Variants in ADCY8 observed in about 807,000 individuals in gnomAD.
ADCY8 encodes adenylate cyclase type 8.
Under a neutral mutation model 119.7 loss-of-function variants are expected in ADCY8, and 51 were observed. The observed-to-expected ratio is 0.43, with a 90% CI of 0.34 to 0.54. The LOEUF is 0.54. ADCY8 is among the 20% of genes least tolerant of loss of function. ADCY8 has a pLI of 0.03. For synonymous variants in ADCY8, 665 were observed against 651.0 expected (o/e 1.02, Z -0.33); for missense variants, 1,383 against 1,598.8 (o/e 0.87, Z 2.30).
chr8:130,847,325 G>T, intron 11 of ADCY8, 99 bp downstream of exon 11: 1 of 810,722 alleles, frequency 1.2e-6, no homozygotes, highest in Non-Finnish European at 2.0e-6. Context: ...CAGGCCTCTT[G>T]AGTATTTTCT....
intron 8 of ADCY8, among the ~76,000 whole-genome samples, chr8:130,876,122 T>G (rs1432752118): frequency 6.6e-6 from 1 of 151,848 alleles, no homozygotes; most frequent in Non-Finnish European, 1.5e-5. Context: ...GCGATCTCAG[T>G]TCACTGCAAC....
At chr8:131,023,483 G>A (rs1823736598) in intron 1 of ADCY8, among the ~76,000 whole-genome samples, 2 of 152,158 alleles carry the variant, frequency 1.3e-5, no homozygotes, top group African/African-American at 4.8e-5. Flanking sequence ...TGCAGGAGGA[G>A]AGGCAGACTG....
At chr8:130,858,155 A>G (rs1469791687) in intron 9 of ADCY8, among the ~76,000 whole-genome samples, 2 of 148,906 alleles carry the variant, frequency 1.3e-5, no homozygotes, top group African/African-American at 5.0e-5. Context: ...CAGCCCTAAA[A>G]TTAGCCATAT....
At chr8:130,916,734 C>T (rs573882276) in intron 5 of ADCY8, among the ~76,000 whole-genome samples, 12 of 152,354 alleles carry the variant, frequency 7.9e-5, no homozygotes, top group African/African-American at 2.9e-4. Context: ...GGGCATGTTC[C>T]TGCTGCAATT....
intron 12 of ADCY8, among the ~76,000 whole-genome samples, chr8:130,824,950 C>A (rs1816628885): frequency 6.6e-6 from 1 of 152,350 alleles, no homozygotes; most frequent in South Asian, 2.1e-4. Flanking sequence ...TTGTCCCCAT[C>A]TAGTCCTTTA....
intron 2 of ADCY8, among the ~76,000 whole-genome samples, chr8:130,965,073 A>ATTC (rs1488829696): frequency 2.0e-5 from 3 of 152,128 alleles, no homozygotes; most frequent in Middle Eastern, 3.2e-3. Flanking sequence ...TGGATATTAG[A>ATTC]TCTTTGTCAG....
intron 5 of ADCY8, among the ~76,000 whole-genome samples, chr8:130,923,356 C>G (rs563941816): frequency 1.3e-5 from 2 of 152,166 alleles, no homozygotes; most frequent in Admixed American, 1.3e-4. Context: ...GGCATTCTTG[C>G]CTTCAGTAAA....
chr8:130,895,867 A>C (rs1397014009), intron 7 of ADCY8, among the ~76,000 whole-genome samples: 6 of 152,180 alleles, frequency 3.9e-5, no homozygotes. Context: ...GATGTCCTGT[A>C]ACTTATCACA....
intron 7 of ADCY8, among the ~76,000 whole-genome samples, chr8:130,896,922 G>C (rs1230989700): frequency 3.3e-5 from 5 of 152,026 alleles, no homozygotes; most frequent in African/African-American, 1.2e-4. Flanking sequence ...CTGAGGTAGG[G>C]AAACTGAATA....
At chr8:130,784,331 C>T (rs1174092170) in intron 16 of ADCY8, among the ~76,000 whole-genome samples, 1 of 152,092 alleles carries the variant, frequency 6.6e-6, no homozygotes, top group African/African-American at 2.4e-5. Context: ...CATTTGCTTA[C>T]AAAACTCCTA....
chr8:130,877,758 G>A (rs1818621749), intron 8 of ADCY8, among the ~76,000 whole-genome samples: 1 of 152,062 alleles, frequency 6.6e-6, no homozygotes, highest in Admixed American at 6.6e-5. Context: ...GAAAATACAA[G>A]CAAATGACAC....
intron 2 of ADCY8, among the ~76,000 whole-genome samples, chr8:130,978,678 G>T (rs1028646070): frequency 6.6e-6 from 1 of 152,178 alleles, no homozygotes; most frequent in Non-Finnish European, 1.5e-5. Context: ...GTTGGAAACT[G>T]CCAAGCTTAC....
chr8:130,967,890 C>T (rs533593109), intron 2 of ADCY8, among the ~76,000 whole-genome samples: 44 of 152,320 alleles, frequency 2.9e-4, no homozygotes, highest in African/African-American at 9.9e-4. Flanking sequence ...ACTTCACAGA[C>T]AGAAGCTCAG....
Position 130,898,062 on chromosome 8 carries a change from C to T in ADCY8, c.1911+5710G>A, listed in dbSNP as rs571930413. On this transcript the variant is annotated intron_variant, in intron 7 of 17. Transcript: ENST00000286355. The stretch of plus-strand genomic sequence containing the variant: ...CCTGAAAACAAGGTAGAAGATGACA[C>T]CCAGCATATATCTTCAGGCCACAAA... Among the ~76,000 whole-genome samples, 149 of 152,200 alleles carry T rather than the reference C, an allele frequency of 9.8e-4. No individual in the cohort carries two copies. The South Asian group carries it at 0.015, about 15-fold the overall frequency.
At chr8:131,006,555 A>G (rs573761529) in intron 1 of ADCY8, among the ~76,000 whole-genome samples, 1 of 152,292 alleles carries the variant, frequency 6.6e-6, no homozygotes, top group East Asian at 1.9e-4. Context: ...GTCTATCTAA[A>G]CATGGCAGGA....
chr8:130,891,208 G>A (rs1054850248), intron 7 of ADCY8, among the ~76,000 whole-genome samples: 2 of 152,064 alleles, frequency 1.3e-5, no homozygotes, highest in African/African-American at 2.4e-5. Flanking sequence ...CTTGATGCCT[G>A]CAGCCTTTGG....
intron 12 of ADCY8, among the ~76,000 whole-genome samples, chr8:130,824,360 A>G (rs900375388): frequency 1.3e-5 from 2 of 152,196 alleles, no homozygotes; most frequent in African/African-American, 4.8e-5. Flanking sequence ...TAGAAAAAAA[A>G]TCCAAGACTG....
chr8:131,019,859 CT>C (rs1197259522), intron 1 of ADCY8, among the ~76,000 whole-genome samples: 17 of 150,932 alleles, frequency 1.1e-4, no homozygotes, highest in Non-Finnish European at 2.2e-4. Flanking sequence ...CTCTCTCTCT[CT>C]CTCTCTCTCT....
chr8:131,034,214 T>G (rs1024479931), intron 1 of ADCY8, among the ~76,000 whole-genome samples: 4 of 152,142 alleles, frequency 2.6e-5, no homozygotes, highest in African/African-American at 9.7e-5. Context: ...TTCCCTTTAT[T>G]TGATTTGAGA....
Sources: gnomAD v4.1 joint callset for allele counts (sites outside exome capture counted in the v4.1 genomes callset) on GRCh38, gnomAD v4.1.1 for gene constraint, MANE v1.5 for transcripts, NCBI Gene and HGNC (gene_info 2026-07-23, HGNC 2026-07-21) for gene names.